Variants in CERS4 observed in about 807,000 individuals in gnomAD.
CERS4 encodes LAG1 homolog, ceramide synthase 4.
Under a neutral mutation model 51.8 loss-of-function variants are expected in CERS4, and 65 were observed. The ratio of observed to expected loss-of-function variants is 1.26; its 90% confidence interval spans 1.03 to 1.54. The LOEUF (loss-of-function observed/expected upper bound fraction) is 1.54, where lower values mean the gene tolerates loss of function less well. CERS4 is among the 40% of genes most tolerant of loss of function. The pLI is 0.00. For missense variants in CERS4, 563 were observed against 500.4 expected, an observed-to-expected ratio of 1.13 and a Z score of -1.19; for synonymous variants, 228 against 208.4, an observed-to-expected ratio of 1.09 and a Z score of -0.81.
intron 10 of CERS4, among the ~76,000 whole-genome samples, chr19:8,259,790 T>C (rs1416270441): frequency 6.6e-6 from 1 of 152,032 alleles, no homozygotes; most frequent in Non-Finnish European, 1.5e-5. Flanking sequence ...GAGTTGTCAG[T>C]CCATGGCTGG....
At chr19:8,254,764 T>G (rs1337056927) in intron 4 of CERS4, 148 bp downstream of exon 4, 10 of 671,150 alleles carry the variant, frequency 1.5e-5, no homozygotes, top group Non-Finnish European at 2.0e-5. Context: ...TCATCCTCAA[T>G]TCCCTGGGAA....
At chr19:8,226,122 G>A (rs1468870092) in intron 2 of CERS4, among the ~76,000 whole-genome samples, 3 of 152,030 alleles carry the variant, frequency 2.0e-5, no homozygotes, top group Non-Finnish European at 2.9e-5. Context: ...GCTTGAATCC[G>A]GGAGGCAGAG....
intron 2 of CERS4, among the ~76,000 whole-genome samples, chr19:8,230,534 A>G (rs1360331525): frequency 6.6e-6 from 1 of 152,184 alleles, no homozygotes; most frequent in Non-Finnish European, 1.5e-5. Context: ...CCAAGGCTCT[A>G]TACAGTTTCT....
intron 3 of CERS4, among the ~76,000 whole-genome samples, chr19:8,253,469 TTTG>T (rs1382008992): frequency 1.0e-4 from 15 of 148,782 alleles, no homozygotes; most frequent in Non-Finnish European, 1.9e-4. Context: ...TTTTTTTTTT[TTTG>T]GGGAGACAGA....
rs1198999411 is a variant in CERS4, at chr19:8,245,127, A to ACAAAAAAAACAAAAAAAACAAAC, written c.-1-5949_-1-5948insCAAAAAAAACAAAAAAAACAAAC. On this transcript the variant is annotated intron_variant, in intron 2 of 11. Transcript: ENST00000251363. ...ACTCCATCTCAAAAAAAAAAAAAAA[A>ACAAAAAAAACAAAAAAAACAAAC]AAAAAAAACACTCTTGGCTTCAAGC... Among the ~76,000 whole-genome samples the ACAAAAAAAACAAAAAAAACAAAC allele has an allele frequency of 8.5e-3, 1,204 of 142,278 alleles. 31 individuals carry two copies. The highest frequency in any genetic ancestry group is 0.033 in the African/African-American group (1,139 of 34,900). 93.3% of individuals were successfully genotyped at this position (142,278 alleles called of 152,430 possible).
chr19:8,215,478 C>CA (rs571513195), intron 2 of CERS4, among the ~76,000 whole-genome samples: 6,026 of 128,224 alleles, frequency 0.047, 168 homozygotes, highest in Non-Finnish European at 0.062. Flanking sequence ...GACTCTGTCT[C>CA]AAAAAAAAAA....
rs574503878 is a variant in CERS4 at position 8,256,126 on chromosome 19, G to A, written c.469-110G>A. ...TGAGAAGCAGGAAAAAGCAGGGCTG[G>A]GTGAAGGTAGCATCTATGTGACTGT... On this transcript the variant is annotated intron_variant, in intron 6 of 11. Coordinates refer to ENST00000251363, the MANE Select transcript of CERS4 (RefSeq NM_024552.3). The A allele has an allele frequency of 8.2e-6, 10 of 1,213,596 alleles. No homozygotes were observed. In the South Asian group the frequency reaches 1.3e-4, roughly 15 times the overall value. The allele number at this position is 1,213,596 out of a possible 1,614,324, so 75.2% of individuals were successfully genotyped here.
intron 10 of CERS4, among the ~76,000 whole-genome samples, chr19:8,260,533 G>GA (rs33924278): frequency 0.42 from 61,573 of 145,964 alleles, 13,975 homozygotes; most frequent in African/African-American, 0.61. Context: ...GAGTTCCAAG[G>GA]AAAAAAAAAA....
intron 2 of CERS4, among the ~76,000 whole-genome samples, chr19:8,231,837 G>A (rs1024228863): frequency 7.2e-6 from 1 of 138,384 alleles, no homozygotes; most frequent in African/African-American, 2.9e-5. Flanking sequence ...CAAGCATGAG[G>A]CACTGTGCCC....
chr19:8,251,841 A>G (rs1483362678), intron 3 of CERS4, among the ~76,000 whole-genome samples: 1 of 151,940 alleles, frequency 6.6e-6, no homozygotes, highest in African/African-American at 2.4e-5. Context: ...TCCCATCCCA[A>G]AGGCATCCCA....
At chr19:8,261,647 G>C (rs1969706896) in intron 10 of CERS4, 41 bp from the exon 11 acceptor site, 1 of 1,611,022 alleles carries the variant, frequency 6.2e-7, no homozygotes, top group Non-Finnish European at 8.5e-7. Flanking sequence ...GGCTACAGCG[G>C]CTGGTCAAAC....
At chr19:8,259,133 CTAAA>C (rs967555007) in intron 10 of CERS4, among the ~76,000 whole-genome samples, 26 of 152,000 alleles carry the variant, frequency 1.7e-4, no homozygotes, top group Admixed American at 6.5e-4. Context: ...GACTCTGTCT[CTAAA>C]TAAAAAAAAG....
chr19:8,216,088 T>C (rs530021993), intron 2 of CERS4, among the ~76,000 whole-genome samples: 13 of 152,010 alleles, frequency 8.6e-5, no homozygotes, highest in Non-Finnish European at 1.5e-4. Flanking sequence ...CTCTTTAAAA[T>C]TGTAGCCCTG....
Position 8,256,233 on chromosome 19 carries a change from C to T in CERS4, c.469-3C>T, listed in dbSNP as rs372264029. On this transcript the variant is annotated splice_polypyrimidine_tract_variant and splice_region_variant and intron_variant, in intron 6 of 11. Coordinates refer to ENST00000251363, the MANE Select transcript of CERS4 (RefSeq NM_024552.3). ...GCACAGCCTGACACCCATTTCCCTG[C>T]AGGAGTCATGGCTGTGGGCACCAGT... 5.0e-5 allele frequency: 81 copies of T among 1,611,632 alleles called. No individual in the cohort carries two copies. The highest frequency in any genetic ancestry group is 6.5e-5 in the Non-Finnish European group (77 of 1,179,140).
chr19:8,214,172 G>C (rs1202477974), intron 2 of CERS4, among the ~76,000 whole-genome samples: 1 of 151,414 alleles, frequency 6.6e-6, no homozygotes, highest in Non-Finnish European at 1.5e-5. Flanking sequence ...CACTGTGTCT[G>C]AAGAGTGATC....
At chr19:8,249,402 A>G (rs1968956052) in intron 2 of CERS4, among the ~76,000 whole-genome samples, 1 of 152,048 alleles carries the variant, frequency 6.6e-6, no homozygotes, top group Admixed American at 6.6e-5. Flanking sequence ...CTCCTCAAGC[A>G]GGCTGGGACA....
At position 8,245,114 on chromosome 19, in the gene CERS4, A is replaced by AAAAAAAAACAAAACAAACAAAAAC. The variant is rs1599563250; in HGVS notation, c.-1-5954_-1-5953insCAAAACAAACAAAAACAAAAAAAA. On this transcript the variant is annotated intron_variant, in intron 2 of 11. Transcript: ENST00000251363. ...GCGACCGAGCGAGACTCCATCTCAA[A>AAAAAAAAACAAAACAAACAAAAAC]AAAAAAAAAAAAAAAAAAAAACACT... 2.0e-4 allele frequency among the ~76,000 whole-genome samples: 9 copies of AAAAAAAAACAAAACAAACAAAAAC among 45,164 alleles called. No individual in the cohort carries two copies. In the East Asian group the frequency reaches 4.4e-3, roughly 22 times the overall value. The allele number at this position is 45,164 out of a possible 152,430, so 29.6% of individuals were successfully genotyped here.
chr19:8,257,714 G>A (rs988871383), intron 9 of CERS4, among the ~76,000 whole-genome samples, 165 bp from the exon 10 acceptor site: 4 of 152,172 alleles, frequency 2.6e-5, no homozygotes, highest in Admixed American at 2.6e-4. Context: ...ACAGGCGTGA[G>A]CCACCATGCC....
chr19:8,236,107 A>G (rs953844505), intron 2 of CERS4, among the ~76,000 whole-genome samples: 1 of 151,944 alleles, frequency 6.6e-6, no homozygotes, highest in African/African-American at 2.4e-5. Context: ...GAGGCAGGAG[A>G]ATGGGGTAAA....
Sources: gnomAD v4.1 joint callset for allele counts (sites outside exome capture counted in the v4.1 genomes callset) on GRCh38, gnomAD v4.1.1 for gene constraint, MANE v1.5 for transcripts, NCBI Gene and HGNC (gene_info 2026-07-23, HGNC 2026-07-21) for gene names.